The following ERI3 variants were observed in gnomAD, a reference collection of about 807,000 sequenced individuals.
ERI3 encodes ERI1 exoribonuclease family member 3, also known as ERI1 exoribonuclease 3.
Under a neutral mutation model 44.4 loss-of-function variants are expected in ERI3, and 18 were observed. The ratio of observed to expected loss-of-function variants is 0.41; its 90% CI spans 0.28 to 0.60. The LOEUF (loss-of-function observed/expected upper bound fraction) is 0.60, where lower values mean the gene tolerates loss of function less well. Ranked by LOEUF, ERI3 falls within the 20% of genes least tolerant of loss-of-function variation. ERI3 has a pLI of 0.36. For missense variants in ERI3, 294 were observed against 435.5 expected, an observed-to-expected ratio of 0.68 and a Z score of 2.89; for synonymous variants, 183 against 164.8, an observed-to-expected ratio of 1.11 and a Z score of -0.84.
At chr1:44,354,009 G>T (rs1445603449) in intron 1 of ERI3, 50 of 985,216 alleles carry the variant, frequency 5.1e-5, no homozygotes, top group East Asian at 1.1e-4. Flanking sequence ...GGAGATTCAG[G>T]TATAATAAAC....
intron 6 of ERI3, among the ~76,000 whole-genome samples, chr1:44,292,032 C>G (rs531406553): frequency 2.9e-4 from 44 of 152,294 alleles, no homozygotes; most frequent in African/African-American, 1.0e-3. Context: ...TTAAAGGAGC[C>G]AACCAAGGGT....
chr1:44,339,011 C>T (rs370824460), intron 3 of ERI3, 34 bp downstream of exon 3: 7 of 1,601,034 alleles, frequency 4.4e-6, no homozygotes, highest in Admixed American at 1.7e-5. Context: ...CCTTGCCCCC[C>T]CCACCTTTTC....
chr1:44,312,679 G>A (rs2154328284), intron 5 of ERI3, among the ~76,000 whole-genome samples: 1 of 152,376 alleles, frequency 6.6e-6, no homozygotes, highest in Middle Eastern at 3.4e-3. Flanking sequence ...GCTGCAGTGG[G>A]GCAGGCGGGC....
rs1646236539 is a variant in ERI3 at position 44,323,034 on chromosome 1, A to T, written c.490-3290T>A. ...ATTCCTGACCCTGACCTTTTCTCTCAGCCAATTTCATCATTCCCCTAGGAA... is the reference window on the plus strand; with the variant it reads ...ATTCCTGACCCTGACCTTTTCTCTCTGCCAATTTCATCATTCCCCTAGGAA... On this transcript the variant is annotated intron_variant, in intron 3 of 8. Coordinates refer to ENST00000372257, the MANE Select transcript of ERI3 (RefSeq NM_024066.3). 3 of 958,252 alleles carry T rather than the reference A, an allele frequency of 3.1e-6. No homozygotes were observed. The Admixed American group carries it at 1.2e-4, about 38-fold the overall frequency. 59.4% of individuals were successfully genotyped at this position (958,252 alleles called of 1,614,324 possible).
chr1:44,330,547 A>G (rs1357631469), intron 3 of ERI3, among the ~76,000 whole-genome samples: 1 of 152,202 alleles, frequency 6.6e-6, no homozygotes, highest in East Asian at 1.9e-4. Flanking sequence ...AACACCTAAC[A>G]GGGTTTTGTC....
chr1:44,245,031 A>T (rs1302074079), intron 8 of ERI3, among the ~76,000 whole-genome samples: 1 of 152,116 alleles, frequency 6.6e-6, no homozygotes, highest in Non-Finnish European at 1.5e-5. Flanking sequence ...TCACACAGTT[A>T]ATTAGCACCA....
At chr1:44,274,828 T>C (rs920932757) in intron 7 of ERI3, among the ~76,000 whole-genome samples, 8 of 152,184 alleles carry the variant, frequency 5.3e-5, no homozygotes, top group Non-Finnish European at 1.0e-4. Context: ...ACTCTCTTCT[T>C]ATCCCATGCC....
chr1:44,241,541 C>T lies in ERI3; in HGVS notation c.931+6398G>A, dbSNP rs535040653. Among the ~76,000 whole-genome samples, 1 of 152,058 alleles carries T rather than the reference C, an allele frequency of 6.6e-6. No homozygotes were observed. Among genetic ancestry groups the T allele is most frequent in the Non-Finnish European group, 1.5e-5 (1 of 68,006 alleles). On this transcript the variant is annotated intron_variant, in intron 8 of 8. Transcript: ENST00000372257. This position sits in a 1 kb window ranked among gnomAD's most constrained non-coding sequence, Gnocchi z 5.6. ...GAGTAGGAGCAGCCAGCACGCGGGT[C>T]CTGCCAGATGGATGCAATTTGCATA...
chr1:44,292,440 G>C (rs1645526969), intron 6 of ERI3, among the ~76,000 whole-genome samples: 3 of 152,164 alleles, frequency 2.0e-5, no homozygotes, highest in Admixed American at 2.0e-4. Flanking sequence ...CTGAGACCCA[G>C]GACCCTCAGA....
At chr1:44,229,286 T>C (rs1644121466) in intron 8 of ERI3, among the ~76,000 whole-genome samples, 1 of 152,172 alleles carries the variant, frequency 6.6e-6, no homozygotes. Context: ...AATTCTAGAA[T>C]TTATAGTGCT....
intron 7 of ERI3, among the ~76,000 whole-genome samples, chr1:44,278,199 C>T (rs936894709): frequency 6.6e-6 from 1 of 152,112 alleles, no homozygotes; most frequent in South Asian, 2.1e-4. Context: ...CTTAATCTGC[C>T]GAGTGCAGTG....
intron 4 of ERI3, among the ~76,000 whole-genome samples, chr1:44,317,304 C>T (rs138967268): frequency 6.6e-6 from 1 of 152,320 alleles, no homozygotes; most frequent in Non-Finnish European, 1.5e-5. Context: ...TCCATCCCCA[C>T]CCGCAAAAGG....
intron 1 of ERI3, chr1:44,353,707 T>C (rs1284837580): frequency 1.0e-6 from 1 of 985,442 alleles, no homozygotes. Flanking sequence ...GAAGAAAAGC[T>C]CTTAGCCAAG....
intron 7 of ERI3, among the ~76,000 whole-genome samples, chr1:44,269,014 C>G (rs893966002): frequency 6.6e-6 from 1 of 152,198 alleles, no homozygotes; most frequent in Non-Finnish European, 1.5e-5. Flanking sequence ...TGTCCTGATG[C>G]CAAGCAATGC....
rs1572037527 is a variant in ERI3, at chr1:44,221,305, T to G, written c.*253A>C. The G allele has an allele frequency of 8.0e-6, 4 of 497,642 alleles. No homozygotes were observed. Among genetic ancestry groups the G allele is most frequent in the East Asian group, 3.5e-5 (1 of 28,400 alleles). The allele number at this position is 497,642 out of a possible 1,614,324, so 30.8% of individuals were successfully genotyped here. ...GGGTCCCCCTAGCCCAGGCCCGCAA[T>G]GGGAGGGGCTGATACTGGGCTGAGA... On this transcript the variant is annotated 3_prime_UTR_variant, in exon 9 of 9. Coordinates refer to ENST00000372257, the MANE Select transcript of ERI3 (RefSeq NM_024066.3). The surrounding 1 kb of genome is among the most constrained non-coding windows in gnomAD (Gnocchi z 5.9).
intron 6 of ERI3, among the ~76,000 whole-genome samples, chr1:44,290,285 C>T (rs544096913): frequency 6.6e-6 from 1 of 152,266 alleles, no homozygotes; most frequent in Admixed American, 6.5e-5. Context: ...CTGTCTTCTT[C>T]AAAGTCATCA....
At chr1:44,317,144 G>GCACACACACACACACACA (rs10670781) in intron 4 of ERI3, among the ~76,000 whole-genome samples, 3 of 151,016 alleles carry the variant, frequency 2.0e-5, no homozygotes, top group Non-Finnish European at 4.4e-5. Context: ...GCATGTGCGT[G>GCACACACACACACACACA]CACACACACA....
rs1643905280 is a variant in ERI3, at chr1:44,221,851, C to T, written c.932-211G>A. ...CAGGAAGCCTGGTCTCGATGCTTCT[C>T]AGTTCCATAATTCATGCTGGAAATT... On this transcript the variant is annotated intron_variant, in intron 8 of 8. Coordinates refer to ENST00000372257, the MANE Select transcript of ERI3 (RefSeq NM_024066.3). This position sits in a 1 kb window ranked among gnomAD's most constrained non-coding sequence, Gnocchi z 5.9. Among the ~76,000 whole-genome samples, 1 of 152,154 alleles carries T rather than the reference C, an allele frequency of 6.6e-6. No homozygotes were observed. Among genetic ancestry groups the T allele is most frequent in the Admixed American group, 6.5e-5 (1 of 15,278 alleles).
At chr1:44,290,265 T>C (rs1645477552) in intron 6 of ERI3, among the ~76,000 whole-genome samples, 1 of 152,060 alleles carries the variant, frequency 6.6e-6, no homozygotes, top group Admixed American at 6.5e-5. Context: ...TGGGGGAGTA[T>C]GGAGAGGCTC....
Sources: gnomAD v4.1 joint callset for allele counts (sites outside exome capture counted in the v4.1 genomes callset) on GRCh38, gnomAD v4.1.1 for gene constraint, Gnocchi (gnomAD v3.1) non-coding constraint, MANE v1.5 for transcripts, NCBI Gene and HGNC (gene_info 2026-07-23, HGNC 2026-07-21) for gene names.